BCAS4: variants seen among roughly 807,000 people sequenced by gnomAD.
BCAS4 encodes the protein breast carcinoma-amplified sequence 4.
Under a neutral mutation model 15.7 loss-of-function variants are expected in BCAS4, and 9 were observed. The ratio of observed to expected loss-of-function variants is 0.57; its 90% CI spans 0.34 to 1.00. BCAS4 has a LOEUF of 1.00. Among genes scored for constraint, BCAS4 ranks in the 50% least tolerant of loss-of-function variants. The pLI is 0.02. For missense variants in BCAS4, 225 were observed against 239.1 expected (o/e 0.94, Z 0.39); for synonymous variants, 101 against 99.5 (o/e 1.02, Z -0.09).
intron 4 of BCAS4, among the ~76,000 whole-genome samples, chr20:50,843,205 C>T (rs2088505018): frequency 6.6e-6 from 1 of 152,170 alleles, no homozygotes; most frequent in Non-Finnish European, 1.5e-5. Context: ...GATCCTCCTG[C>T]CTTGACTTCC....
At chr20:50,810,350 A>G (rs568456932) in intron 1 of BCAS4, among the ~76,000 whole-genome samples, 51 of 152,024 alleles carry the variant, frequency 3.4e-4, no homozygotes, top group Non-Finnish European at 6.0e-4. Flanking sequence ...GAAGAATTGG[A>G]TCCCACCTCT....
At chr20:50,806,599 A>G (rs2087992004) in intron 1 of BCAS4, among the ~76,000 whole-genome samples, 1 of 152,176 alleles carries the variant, frequency 6.6e-6, no homozygotes, top group Non-Finnish European at 1.5e-5. Context: ...TGGCTGGGAC[A>G]TCTCAGTTCT....
intron 1 of BCAS4, 37 bp from the exon 2 acceptor site, chr20:50,818,174 C>A: frequency 6.3e-7 from 1 of 1,592,482 alleles, no homozygotes; most frequent in Non-Finnish European, 8.6e-7. Flanking sequence ...TCCCTGGAAA[C>A]CACTTGCTAA....
intron 2 of BCAS4, among the ~76,000 whole-genome samples, chr20:50,829,692 G>A (rs1442926313): frequency 1.3e-5 from 2 of 151,914 alleles, no homozygotes; most frequent in South Asian, 2.1e-4. Flanking sequence ...AACCATCAGC[G>A]TCTGATATCA....
intron 1 of BCAS4, among the ~76,000 whole-genome samples, chr20:50,808,775 A>G (rs993393742): frequency 6.6e-6 from 1 of 151,170 alleles, no homozygotes; most frequent in African/African-American, 2.4e-5. Flanking sequence ...ATTTTCTCCC[A>G]CTCTGTGGGT....
intron 3 of BCAS4, among the ~76,000 whole-genome samples, chr20:50,837,999 TAC>T (rs35171200): frequency 0.34 from 48,602 of 142,968 alleles, 9,169 homozygotes; most frequent in African/African-American, 0.55. Flanking sequence ...CATCTGCACA[TAC>T]ACACACACAC....
downstream of BCAS4, chr20:50,882,107 C>T (rs923437707): frequency 1.3e-5 from 2 of 151,160 alleles, no homozygotes; most frequent in African/African-American, 4.9e-5. Flanking sequence ...TGAGTGAGCC[C>T]AGGAGGTTGA....
intron 4 of BCAS4, among the ~76,000 whole-genome samples, chr20:50,858,397 T>C (rs1978879979): frequency 6.6e-6 from 1 of 151,488 alleles, no homozygotes; most frequent in Non-Finnish European, 1.5e-5. Flanking sequence ...AGGTCAAGAG[T>C]TTGAGACCAG....
intron 4 of BCAS4, among the ~76,000 whole-genome samples, chr20:50,858,736 T>C (rs1978905339): frequency 6.8e-6 from 1 of 146,842 alleles, no homozygotes; most frequent in Non-Finnish European, 1.5e-5. Context: ...TTTTTTTTTT[T>C]TTTTTTTTGG....
At chr20:50,844,560 TA>T (rs774365500) in intron 4 of BCAS4, among the ~76,000 whole-genome samples, 7 of 152,220 alleles carry the variant, frequency 4.6e-5, no homozygotes, top group Non-Finnish European at 1.0e-4. Context: ...GCCTGTCATT[TA>T]ATACACTTCT....
rs527662022 is a variant in BCAS4, at chr20:50,867,480, A to G, written c.400-9006A>G. On this transcript the variant is annotated intron_variant, in intron 4 of 4. Coordinates refer to ENST00000371608, the MANE Select transcript of BCAS4 (RefSeq NM_198799.4). ...TCCCACCTCAGCCTCTCAAGTACCT[A>G]GGACTACAGGTGCATGCCACCATGC... Among the ~76,000 whole-genome samples the G allele has an allele frequency of 3.9e-5, 6 of 152,160 alleles. No individual in the cohort carries two copies. The South Asian group carries it at 1.0e-3, about 26-fold the overall frequency.
intron 4 of BCAS4, among the ~76,000 whole-genome samples, chr20:50,857,422 C>T (rs1478513092): frequency 1.3e-5 from 2 of 152,196 alleles, no homozygotes; most frequent in Non-Finnish European, 2.9e-5. Context: ...TGAGCCACCT[C>T]ACCCAGCTGA....
chr20:50,841,367 A>G (rs2088479074), intron 3 of BCAS4, among the ~76,000 whole-genome samples: 1 of 152,224 alleles, frequency 6.6e-6, no homozygotes, highest in African/African-American at 2.4e-5. Flanking sequence ...CATTTGGGCT[A>G]TTTCTATAAA....
chr20:50,842,327 T>C (rs2088494937), intron 4 of BCAS4, among the ~76,000 whole-genome samples: 1 of 152,194 alleles, frequency 6.6e-6, no homozygotes, highest in South Asian at 2.1e-4. Flanking sequence ...TATGGCTCTT[T>C]GTGGCCTGCA....
At chr20:50,842,748 G>C (rs372533836) in intron 4 of BCAS4, among the ~76,000 whole-genome samples, 1 of 152,108 alleles carries the variant, frequency 6.6e-6, no homozygotes, top group African/African-American at 2.4e-5. Context: ...TGAGAAGACG[G>C]AGGCTCGGGG....
chr20:50,839,867 T>A (rs903699361), intron 3 of BCAS4, among the ~76,000 whole-genome samples: 1 of 152,250 alleles, frequency 6.6e-6, no homozygotes, highest in Non-Finnish European at 1.5e-5. Flanking sequence ...CTGATAGAAG[T>A]TAAGTAACTT....
At chr20:50,812,065 T>C (rs538882447) in intron 1 of BCAS4, among the ~76,000 whole-genome samples, 80 of 152,376 alleles carry the variant, frequency 5.3e-4, no homozygotes, top group African/African-American at 1.7e-3. Context: ...TGATACTCTA[T>C]TGTAGGGATA....
chr20:50,866,903 G>A (rs556288142), intron 4 of BCAS4, among the ~76,000 whole-genome samples: 2 of 152,332 alleles, frequency 1.3e-5, no homozygotes, highest in East Asian at 1.9e-4. Flanking sequence ...CTGTGAGGAT[G>A]AATGCTCTGT....
At chr20:50,832,571 AT>A (rs1178347273) in intron 3 of BCAS4, 1 of 152,132 alleles carries the variant, frequency 6.6e-6, no homozygotes, top group African/African-American at 2.4e-5. Context: ...ACACACATTT[AT>A]TATCTTATAG....
Sources: gnomAD v4.1 joint callset for allele counts (sites outside exome capture counted in the v4.1 genomes callset) on GRCh38, gnomAD v4.1.1 for gene constraint, MANE v1.5 for transcripts, NCBI Gene and HGNC (gene_info 2026-07-23, HGNC 2026-07-21) for gene names.